CHN2: variants seen among roughly 807,000 people sequenced by gnomAD.
The protein encoded by CHN2 is beta-chimaerin.
In CHN2, 35 loss-of-function variants were observed where a neutral mutation model predicts 56.3. That is an observed-to-expected ratio of 0.62 (90% CI 0.47 to 0.82). CHN2 has a LOEUF of 0.82. Ranked by LOEUF, CHN2 falls within the 40% of genes least tolerant of loss-of-function variation. The probability of loss-of-function intolerance (pLI) is 0.00; values close to 1 mark genes in which losing one functional copy is unlikely to be tolerated. For synonymous variants in CHN2, 210 were observed against 212.8 expected (o/e 0.99, Z 0.12); for missense variants, 491 against 580.5 (o/e 0.85, Z 1.58).
At chr7:29,388,260 TTGC>T (rs1436888906) in intron 3 of CHN2, among the ~76,000 whole-genome samples, 11 of 152,282 alleles carry the variant, frequency 7.2e-5, no homozygotes, top group African/African-American at 2.6e-4. Context: ...GAAGACAAAA[TTGC>T]TGCTCCACAG....
intron 5 of CHN2, 151 bp from the exon 6 acceptor site, chr7:29,400,392 T>C: frequency 1.4e-6 from 1 of 712,774 alleles, no homozygotes; most frequent in Non-Finnish European, 2.4e-6. Flanking sequence ...AAAGGGTCTC[T>C]GTGAGCGTTA....
intron 6 of CHN2, among the ~76,000 whole-genome samples, chr7:29,470,644 T>G (rs1049776087): frequency 6.6e-6 from 1 of 152,226 alleles, no homozygotes; most frequent in Non-Finnish European, 1.5e-5. Flanking sequence ...CTATGTTTGG[T>G]ACATTCTGTA....
chr7:29,378,251 C>T (rs181013159), intron 3 of CHN2, among the ~76,000 whole-genome samples: 38 of 152,170 alleles, frequency 2.5e-4, no homozygotes, highest in Admixed American at 2.5e-3. Flanking sequence ...CATCAGTATG[C>T]CGTAGCTTAA....
chr7:29,227,849 G>C, intron 1 of CHN2, among the ~76,000 whole-genome samples: 1 of 152,140 alleles, frequency 6.6e-6, no homozygotes, highest in East Asian at 1.9e-4. Flanking sequence ...AACAACCCAA[G>C]TGATACACAC....
chr7:29,392,394 T>G (rs984922937), intron 3 of CHN2, among the ~76,000 whole-genome samples: 27 of 152,334 alleles, frequency 1.8e-4, no homozygotes, highest in Admixed American at 1.6e-3. Context: ...TTACACACTT[T>G]CTGCTTCTAT....
intron 1 of CHN2, among the ~76,000 whole-genome samples, chr7:29,286,877 G>C (rs992545402): frequency 2.0e-5 from 3 of 152,144 alleles, no homozygotes; most frequent in African/African-American, 7.2e-5. Context: ...GTTGCCATGG[G>C]TCTTATAGGA....
In CHN2 at chr7:29,466,228, G is replaced by GAGGAAGGAAGGA. The variant is rs70980538; in HGVS notation, c.577-14041_577-14030dup. ...AAAGAGAGAAAGAGAGAGAGGAAGA[G>GAGGAAGGAAGGA]AGGAAGGAAGGAAGGAAGGAAAGAA... On this transcript the variant is annotated intron_variant, in intron 6 of 12. Coordinates refer to ENST00000222792, the MANE Select transcript of CHN2 (RefSeq NM_004067.4). Among the ~76,000 whole-genome samples, 331 of 150,854 alleles carry GAGGAAGGAAGGA rather than the reference G, an allele frequency of 2.2e-3. 6 individuals carry two copies. The highest frequency in any genetic ancestry group is 3.6e-3 in the South Asian group (17 of 4,774).
At chr7:29,451,118 G>A (rs1381633308) in intron 6 of CHN2, among the ~76,000 whole-genome samples, 2 of 151,950 alleles carry the variant, frequency 1.3e-5, no homozygotes, top group Non-Finnish European at 2.9e-5. Context: ...AAACAACAAC[G>A]CACCCCCACC....
intron 1 of CHN2, among the ~76,000 whole-genome samples, chr7:29,279,171 A>G (rs1290926810): frequency 2.0e-5 from 3 of 152,194 alleles, no homozygotes; most frequent in African/African-American, 4.8e-5. Context: ...AGTTGTGATT[A>G]TTTACAGAGT....
intron 1 of CHN2, among the ~76,000 whole-genome samples, chr7:29,252,052 G>A (rs182899247): frequency 2.2e-3 from 342 of 152,198 alleles, no homozygotes; most frequent in Non-Finnish European, 4.0e-3. Context: ...TGAGGTTTAG[G>A]TAAAAATTTT....
intron 1 of CHN2, among the ~76,000 whole-genome samples, chr7:29,332,648 T>C (rs1055356511): frequency 2.6e-5 from 4 of 152,176 alleles, no homozygotes; most frequent in East Asian, 1.9e-4. Context: ...GTATATTTTA[T>C]GTTATTCACA....
intron 2 of CHN2, among the ~76,000 whole-genome samples, 169 bp downstream of exon 2, chr7:29,354,832 C>CGAGG (rs1798161733): frequency 6.6e-6 from 1 of 152,034 alleles, no homozygotes; most frequent in Non-Finnish European, 1.5e-5. Context: ...TTAACAGAGC[C>CGAGG]CCCTCCTCTT....
At chr7:29,323,103 C>T (rs1178328558) in intron 1 of CHN2, among the ~76,000 whole-genome samples, 2 of 152,126 alleles carry the variant, frequency 1.3e-5, no homozygotes, top group African/African-American at 4.8e-5. Flanking sequence ...GCAGTTGAGC[C>T]AAGATCGTGC....
chr7:29,412,224 C>T (rs899269594), intron 6 of CHN2, among the ~76,000 whole-genome samples: 3 of 151,848 alleles, frequency 2.0e-5, no homozygotes, highest in Non-Finnish European at 4.4e-5. Flanking sequence ...GGAATGCAGC[C>T]GTCATCCTTT....
intron 1 of CHN2, among the ~76,000 whole-genome samples, chr7:29,206,209 C>G (rs1166294139): frequency 1.3e-5 from 2 of 152,146 alleles, no homozygotes; most frequent in African/African-American, 2.4e-5. Flanking sequence ...TCCTTTATCT[C>G]TTGTTTGTAA....
intron 6 of CHN2, among the ~76,000 whole-genome samples, chr7:29,411,019 TTC>T (rs1378848382): frequency 6.6e-6 from 1 of 152,212 alleles, no homozygotes; most frequent in Non-Finnish European, 1.5e-5. Context: ...CTTCCCCACC[TTC>T]TTACTTTAAT....
chr7:29,317,085 A>G (rs967405629), intron 1 of CHN2, among the ~76,000 whole-genome samples: 1 of 152,240 alleles, frequency 6.6e-6, no homozygotes, highest in Non-Finnish European at 1.5e-5. Flanking sequence ...GAAGTCTTGC[A>G]TTGGCAGAGC....
intron 1 of CHN2, among the ~76,000 whole-genome samples, chr7:29,259,877 A>G (rs1342340404): frequency 6.6e-6 from 1 of 152,242 alleles, no homozygotes; most frequent in African/African-American, 2.4e-5. Context: ...ACCTTAGTAT[A>G]GCTGGAAGGA....
chr7:29,367,787 TA>T, intron 2 of CHN2, 144 bp from the exon 3 acceptor site: 1 of 542,970 alleles, frequency 1.8e-6, no homozygotes, highest in Non-Finnish European at 2.9e-6. Context: ...TTTTCCAGTC[TA>T]AAAAATGTGC....
Sources: allele counts gnomAD v4.1 joint callset (sites outside exome capture counted in the v4.1 genomes callset), GRCh38; gene constraint gnomAD v4.1.1; transcripts MANE v1.5; gene names NCBI Gene and HGNC (gene_info 2026-07-23, HGNC 2026-07-21).